Variants in NHS observed in about 807,000 individuals in gnomAD.
NHS encodes NHS actin remodeling regulator.
NHS carries 5 observed loss-of-function variants against 72.5 expected under a neutral mutation model. The ratio of observed to expected loss-of-function variants is 0.07; its 90% CI spans 0.04 to 0.14. The LOEUF is 0.14. Ranked by LOEUF, NHS falls within the 10% of genes least tolerant of loss-of-function variation. The pLI is 1.00. For synonymous variants in NHS, 464 were observed against 547.7 expected (o/e 0.85, Z 2.13); for missense variants, 1,072 against 1,355.7 (o/e 0.79, Z 3.29).
At chrX:17,699,307 T>C in intron 3 of NHS, among the ~76,000 whole-genome samples, 2 of 111,936 alleles carry the variant, frequency 1.8e-5, no homozygotes, top group Middle Eastern at 4.6e-3. Context: ...TAAGATATAG[T>C]TAAAGCCTCT....
intron 1 of NHS, among the ~76,000 whole-genome samples, chrX:17,607,955 G>A (rs2065689827): frequency 1.1e-5 from 1 of 87,648 alleles, no homozygotes; most frequent in African/African-American, 4.5e-5. Flanking sequence ...GTCTGTCTCT[G>A]TCACCCACGC....
intron 1 of NHS, among the ~76,000 whole-genome samples, chrX:17,639,632 C>T (rs1569298589): frequency 8.9e-6 from 1 of 112,083 alleles, no homozygotes; most frequent in Non-Finnish European, 1.9e-5. Flanking sequence ...TCCATTTAAT[C>T]CATTAACCCA....
chrX:17,727,594 C>T lies in NHS; in HGVS notation c.3488C>T (p.Pro1163Leu). The T allele has an allele frequency of 8.3e-7, 1 of 1,211,318 alleles. No homozygotes were observed. The highest frequency in any genetic ancestry group is 1.1e-6 in the Non-Finnish European group (1 of 895,156). ...KQKEENNTDL[P>L]YLEESTLTTA... ...AAAGAAGAAAACAATACAGATCTCCCTTATTTAGAGGAAAGCACACTCACA... is the reference window on the plus strand; with the variant it reads ...AAAGAAGAAAACAATACAGATCTCCTTTATTTAGAGGAAAGCACACTCACA... The change falls in exon 7 of 9, where the codon CCT becomes CTT. Residue 1163 changes from proline to leucine, a missense_variant. Physicochemically the swap from Pro to Leu is moderately conservative, Grantham distance 98. Transcript: ENST00000676302.
At chrX:17,663,247 A>G (rs1002181223) in intron 1 of NHS, among the ~76,000 whole-genome samples, 3 of 111,886 alleles carry the variant, frequency 2.7e-5, no homozygotes, top group Admixed American at 9.5e-5. Flanking sequence ...AGTGAGATGT[A>G]ATTTACATAC....
intron 1 of NHS, among the ~76,000 whole-genome samples, chrX:17,475,665 T>G (rs963609095): frequency 1.8e-5 from 2 of 112,248 alleles, no homozygotes; most frequent in African/African-American, 6.5e-5. Context: ...CCATAAGCCT[T>G]TCCTGCTTCT....
intron 1 of NHS, among the ~76,000 whole-genome samples, chrX:17,606,920 A>G (rs746425729): frequency 8.9e-6 from 1 of 112,244 alleles, no homozygotes; most frequent in South Asian, 3.7e-4. Context: ...ACGTGTATTA[A>G]CGCATAAACA....
chrX:17,470,814 A>C (rs2064889360), intron 1 of NHS, among the ~76,000 whole-genome samples: 1 of 111,313 alleles, frequency 9.0e-6, no homozygotes. Flanking sequence ...CATCTCCATC[A>C]TGTTCCACTG....
chrX:17,585,359 G>A, intron 1 of NHS, among the ~76,000 whole-genome samples: 1 of 112,071 alleles, frequency 8.9e-6, no homozygotes, highest in Non-Finnish European at 1.9e-5. Context: ...GTTGTGAGTA[G>A]TATGTGCTTT....
intron 1 of NHS, among the ~76,000 whole-genome samples, chrX:17,514,909 T>TG (rs1289894649): frequency 1.9e-4 from 21 of 111,319 alleles, no homozygotes; most frequent in South Asian, 3.8e-4. Flanking sequence ...CAGAAATGTG[T>TG]GGGGGGGCAG....
chrX:17,692,588 G>A (rs1270326322), intron 3 of NHS, 120 bp downstream of exon 3: 6 of 899,973 alleles, frequency 6.7e-6, no homozygotes, highest in Non-Finnish European at 9.5e-6. Flanking sequence ...TCAAATCATG[G>A]GCATTTGGGA....
intron 1 of NHS, among the ~76,000 whole-genome samples, chrX:17,545,908 A>T (rs1169805374): frequency 8.9e-6 from 1 of 112,446 alleles, no homozygotes; most frequent in Non-Finnish European, 1.9e-5. Context: ...TTTAACAGAG[A>T]ATTTAGCAGA....
chrX:17,732,640 C>A lies in NHS; in HGVS notation c.*176C>A. 1 of 658,608 alleles carries A rather than the reference C, an allele frequency of 1.5e-6. No individual in the cohort carries two copies. The highest frequency in any genetic ancestry group is 2.3e-6 in the Non-Finnish European group (1 of 434,159). The allele number at this position is 658,608 out of a possible 1,213,427, so 54.3% of individuals were successfully genotyped here. On this transcript the variant is annotated 3_prime_UTR_variant, in exon 9 of 9. Transcript: ENST00000676302. ...GTAAACAGAAAGTGGTTTAGACATTCTTGATTAGTTTCCATATTTTAAGTA... is the reference window on the plus strand; with the variant it reads ...GTAAACAGAAAGTGGTTTAGACATTATTGATTAGTTTCCATATTTTAAGTA...
chrX:17,474,001 C>T (rs1055001862), intron 1 of NHS, among the ~76,000 whole-genome samples: 1 of 110,725 alleles, frequency 9.0e-6, no homozygotes. Flanking sequence ...TAGGGGTTTG[C>T]GGTACAGATT....
intron 8 of NHS, among the ~76,000 whole-genome samples, chrX:17,729,916 G>A (rs1014299027): frequency 3.6e-5 from 4 of 111,886 alleles, no homozygotes; most frequent in African/African-American, 1.3e-4. Flanking sequence ...TTTTTCTCCT[G>A]GAATTCTACT....
At chrX:17,719,920 C>G (rs1221713295) in intron 4 of NHS, among the ~76,000 whole-genome samples, 1 of 111,043 alleles carries the variant, frequency 9.0e-6, no homozygotes, top group African/African-American at 3.3e-5. Context: ...GGGGGTTTCT[C>G]TTTATTGCTC....
intron 1 of NHS, among the ~76,000 whole-genome samples, chrX:17,422,657 T>C (rs923813903): frequency 1.8e-5 from 2 of 111,892 alleles, no homozygotes; most frequent in Admixed American, 9.5e-5. Context: ...TTTTCAGATA[T>C]TGCCAATATC....
At chrX:17,617,169 C>T (rs1250695423) in intron 1 of NHS, among the ~76,000 whole-genome samples, 2 of 111,505 alleles carry the variant, frequency 1.8e-5, no homozygotes, top group Non-Finnish European at 1.9e-5. Flanking sequence ...GTGTAATTCC[C>T]GGGTTTGTTG....
intron 3 of NHS, among the ~76,000 whole-genome samples, chrX:17,717,627 T>C (rs1221523229): frequency 8.9e-6 from 1 of 112,372 alleles, no homozygotes; most frequent in East Asian, 2.8e-4. Flanking sequence ...ATATAATTTC[T>C]GGGGTCCAGT....
intron 1 of NHS, among the ~76,000 whole-genome samples, chrX:17,662,205 C>T (rs972307497): frequency 4.5e-5 from 5 of 112,129 alleles, no homozygotes; most frequent in African/African-American, 6.5e-5. Flanking sequence ...AGAAGTGGGA[C>T]GTGCAGCCTG....
Sources: allele counts gnomAD v4.1 joint callset (sites outside exome capture counted in the v4.1 genomes callset), GRCh38; gene constraint gnomAD v4.1.1; transcripts MANE v1.5; gene names NCBI Gene and HGNC (gene_info 2026-07-23, HGNC 2026-07-21).